Variants in CSNK1E observed in about 807,000 individuals in gnomAD.
CSNK1E encodes the protein casein kinase I isoform epsilon.
A neutral mutation model predicts 46.1 loss-of-function variants in CSNK1E; 17 were observed. The observed-to-expected ratio is 0.37, with a 90% confidence interval of 0.25 to 0.55. CSNK1E has a LOEUF of 0.55. CSNK1E is among the 20% of genes least tolerant of loss of function. The pLI is 0.82. For synonymous variants in CSNK1E, 241 were observed against 242.6 expected (o/e 0.99, Z 0.06); for missense variants, 386 against 595.4 (o/e 0.65, Z 3.66).
chr22:38,297,544 G>T, intron 7 of CSNK1E: 1 of 1,013,634 alleles, frequency 9.9e-7, no homozygotes, highest in Non-Finnish European at 1.2e-6. Context: ...ACAGAGCCTT[G>T]GTCCTAACCA....
rs79311089 is a variant in CSNK1E, at chr22:38,309,115, C to T, written c.76+4967G>A. Among the ~76,000 whole-genome samples, 1,014 of 152,320 alleles carry T rather than the reference C, an allele frequency of 6.7e-3. 39 individuals carry two copies. The highest frequency in any genetic ancestry group is 0.05 in the Admixed American group (770 of 15,304). On this transcript the variant is annotated intron_variant, in intron 2 of 10. Coordinates refer to ENST00000396832, the MANE Select transcript of CSNK1E (RefSeq NM_152221.3). The surrounding 1 kb of genome is among the most constrained non-coding windows in gnomAD (Gnocchi z 4.8). Reference sequence around the variant, plus strand: ...ACTAGATGCCAGGGCACCCCTTTCCCCCTGAATTGTAACAACCAAAAGGTC... The same window carrying T: ...ACTAGATGCCAGGGCACCCCTTTCCTCCTGAATTGTAACAACCAAAAGGTC...
chr22:38,297,821 C>G (rs760992228), intron 7 of CSNK1E: 51 of 1,004,954 alleles, frequency 5.1e-5, no homozygotes, highest in Middle Eastern at 1.0e-3. Context: ...GGGGGTCATC[C>G]CATCCTCCCA....
intron 7 of CSNK1E, chr22:38,295,342 G>A (rs1456869314): frequency 1.2e-6 from 1 of 837,802 alleles, no homozygotes; most frequent in Non-Finnish European, 1.4e-6. Context: ...AAGTGAGAAG[G>A]GGCCAGAGAA....
chr22:38,299,891 T>A lies in CSNK1E; in HGVS notation c.736+4A>T. ...GGCATGTCCCCTCCCACTGGGCTACTCACAGGGATAGCCTTTGCAGAGGAC... is the reference window on the plus strand; with the variant it reads ...GGCATGTCCCCTCCCACTGGGCTACACACAGGGATAGCCTTTGCAGAGGAC... On this transcript the variant is annotated splice_donor_region_variant and intron_variant, in intron 6 of 10. Coordinates refer to ENST00000396832, the MANE Select transcript of CSNK1E (RefSeq NM_152221.3). 1 of 1,613,288 alleles carries A rather than the reference T, an allele frequency of 6.2e-7. No homozygotes were observed. The highest frequency in any genetic ancestry group is 8.5e-7 in the Non-Finnish European group (1 of 1,179,374).
intron 9 of CSNK1E, 94 bp from the exon 10 acceptor site, chr22:38,293,413 C>T: frequency 2.5e-6 from 2 of 790,472 alleles, no homozygotes; most frequent in Non-Finnish European, 4.2e-6. Context: ...AGAGATTTGG[C>T]AAGTCTCTCC....
intron 7 of CSNK1E, chr22:38,295,293 G>T: frequency 2.8e-6 from 1 of 359,612 alleles, no homozygotes; most frequent in Non-Finnish European, 3.9e-6. Context: ...GCCCCCAGGT[G>T]CCCTGCTGTC....
rs1287820468 is a variant in CSNK1E at position 38,298,479 on chromosome 22, C to T, written c.885+307G>A. 5.0e-6 allele frequency: 2 copies of T among 403,620 alleles called. No individual in the cohort carries two copies. The highest frequency in any genetic ancestry group is 9.4e-6 in the Non-Finnish European group (2 of 212,976). The allele number at this position is 403,620 out of a possible 1,614,324, so 25.0% of individuals were successfully genotyped here. A position where few individuals can be genotyped will look rare whatever the true frequency, so the allele number is the denominator to read the frequency against. On this transcript the variant is annotated intron_variant, in intron 7 of 10. Coordinates refer to ENST00000396832, the MANE Select transcript of CSNK1E (RefSeq NM_152221.3). This position sits in a 1 kb window ranked among gnomAD's most constrained non-coding sequence, Gnocchi z 4.2. ...ACGGTGTAGGCAGCAATCAGGGCAG[C>T]AGGGGGCGCCGCCAGCACCACCCAT...
At position 38,298,401 on chromosome 22, in the gene CSNK1E, G is replaced by C. The variant is rs767395967; in HGVS notation, c.885+385C>G. Among the ~76,000 whole-genome samples the C allele has an allele frequency of 6.6e-6, 1 of 151,310 alleles. No individual in the cohort carries two copies. Among genetic ancestry groups the C allele is most frequent in the Non-Finnish European group, 1.5e-5 (1 of 67,846 alleles). On this transcript the variant is annotated intron_variant, in intron 7 of 10. Transcript: ENST00000396832. The surrounding 1 kb of genome is among the most constrained non-coding windows in gnomAD (Gnocchi z 4.2). ...ACCATGACTGGGTCCAGGCTGGCCC[G>C]AGGGGCCATGGTGCAGGTAGCCACC...
rs376339267 is a variant in CSNK1E at position 38,309,418 on chromosome 22, A to G, written c.76+4664T>C. Among the ~76,000 whole-genome samples the G allele has an allele frequency of 7.3e-5, 11 of 151,370 alleles. No homozygotes were observed. Among genetic ancestry groups the G allele is most frequent in the African/African-American group, 2.4e-4 (10 of 41,296 alleles). The stretch of plus-strand genomic sequence containing the variant: ...GGTAGACAGGGCCCTCTTCCCCTCG[A>G]GCCCTTACTCCACTCTTCGAGTACT... On this transcript the variant is annotated intron_variant, in intron 2 of 10. Transcript: ENST00000396832. This position sits in a 1 kb window ranked among gnomAD's most constrained non-coding sequence, Gnocchi z 4.8.
chr22:38,297,066 G>A (rs1295775786), intron 7 of CSNK1E: 2 of 753,956 alleles, frequency 2.7e-6, no homozygotes, highest in Non-Finnish European at 4.9e-6. Context: ...GAGCCACCAG[G>A]CCTGGCCGAC....
chr22:38,308,120 C>T (rs567996147), intron 2 of CSNK1E, among the ~76,000 whole-genome samples: 23 of 152,320 alleles, frequency 1.5e-4, no homozygotes, highest in African/African-American at 5.5e-4. Flanking sequence ...CTTTTCTGGA[C>T]ATTTCACAGA....
At chr22:38,296,499 G>A in intron 7 of CSNK1E, 1 of 1,579,174 alleles carries the variant, frequency 6.3e-7, no homozygotes, top group Non-Finnish European at 8.6e-7. Flanking sequence ...ATGTTTTCCA[G>A]GTGCTTCTGC....
At position 38,291,338 on chromosome 22, in the gene CSNK1E, C is replaced by CCA. The variant is rs71324902; in HGVS notation, c.*631_*632dup. On this transcript the variant is annotated 3_prime_UTR_variant, in exon 11 of 11. Coordinates refer to ENST00000396832, the MANE Select transcript of CSNK1E (RefSeq NM_152221.3). ...TCTTGGGAAACACAGGTCAATACAT[C>CCA]CACACACACACACACACACACACAC... The CCA allele has an allele frequency of 0.67, 98,637 of 147,852 alleles. 32,706 individuals are homozygous for CCA. Among genetic ancestry groups the CCA allele is most frequent in the East Asian group, 0.69 (3,443 of 4,994 alleles). 9.2% of individuals were successfully genotyped at this position (147,852 alleles called of 1,614,324 possible). A position where few individuals can be genotyped will look rare whatever the true frequency, so the allele number is the denominator to read the frequency against.
rs190292055 is a variant in CSNK1E, at chr22:38,296,867, T to G, written c.885+1919A>C. On this transcript the variant is annotated intron_variant, in intron 7 of 10. Coordinates refer to ENST00000396832, the MANE Select transcript of CSNK1E (RefSeq NM_152221.3). ...TCAGCTCACTCCAATCTCTGCCTCCTGGGTTCAAGCGATTCTCCTGCCTCA... is the reference window on the plus strand; with the variant it reads ...TCAGCTCACTCCAATCTCTGCCTCCGGGGTTCAAGCGATTCTCCTGCCTCA... 786 of 707,000 alleles carry G rather than the reference T, an allele frequency of 1.1e-3. 11 individuals carry two copies. In the East Asian group the frequency reaches 0.018, roughly 17 times the overall value. 43.8% of individuals were successfully genotyped at this position (707,000 alleles called of 1,614,324 possible).
intron 7 of CSNK1E, chr22:38,296,784 G>A (rs2092642998): frequency 2.7e-6 from 4 of 1,455,724 alleles, no homozygotes; most frequent in Non-Finnish European, 1.9e-6. Flanking sequence ...CTGGATGAAG[G>A]AAATGGTCCC....
At chr22:38,293,378 G>C (rs1434296454) in intron 9 of CSNK1E, 59 bp from the exon 10 acceptor site, 2 of 1,104,874 alleles carry the variant, frequency 1.8e-6, no homozygotes, top group Non-Finnish European at 2.7e-6. Flanking sequence ...CAAGCTTCAA[G>C]TCAAGTCCCT....
rs1399500483 is a variant in CSNK1E at position 38,303,848 on chromosome 22, C to T, written c.77-600G>A. Among the ~76,000 whole-genome samples the T allele has an allele frequency of 4.6e-5, 7 of 152,194 alleles. No individual in the cohort carries two copies. Among genetic ancestry groups the T allele is most frequent in the Admixed American group, 4.6e-4 (7 of 15,286 alleles). On this transcript the variant is annotated intron_variant, in intron 2 of 10. Transcript: ENST00000396832. The surrounding 1 kb of genome is among the most constrained non-coding windows in gnomAD (Gnocchi z 4.7). The stretch of plus-strand genomic sequence containing the variant: ...AGCTAGAGACCCAGCTCAAGGTCAC[C>T]TGACCTGTAAATGGCGGCCTTGAGA...
In CSNK1E at chr22:38,298,767, T is replaced by C. The variant is rs750541766; in HGVS notation, c.885+19A>G. The stretch of plus-strand genomic sequence containing the variant: ...CCCATCCAGTCCCCCAAGCCCGCCT[T>C]GGCCTCCAGGTGACTCACGAATTTC... On this transcript the variant is annotated intron_variant, in intron 7 of 10. Transcript: ENST00000396832. This position sits in a 1 kb window ranked among gnomAD's most constrained non-coding sequence, Gnocchi z 4.2. The C allele has an allele frequency of 6.2e-7, 1 of 1,613,718 alleles. No homozygotes were observed. The highest frequency in any genetic ancestry group is 2.2e-5 in the East Asian group (1 of 44,850).
chr22:38,313,304 C>G (rs2092728935), intron 2 of CSNK1E, among the ~76,000 whole-genome samples: 1 of 152,196 alleles, frequency 6.6e-6, no homozygotes, highest in Non-Finnish European at 1.5e-5. Context: ...CGTAGAAGGG[C>G]TGGCCACCTC....
Sources: allele counts gnomAD v4.1 joint callset (sites outside exome capture counted in the v4.1 genomes callset), GRCh38; gene constraint gnomAD v4.1.1; non-coding constraint Gnocchi (gnomAD v3.1); transcripts MANE v1.5; gene names NCBI Gene and HGNC (gene_info 2026-07-23, HGNC 2026-07-21).